Variants in BCAS3 observed in about 807,000 individuals in gnomAD.
The protein encoded by BCAS3 is BCAS4/BCAS3 fusion.
Under a neutral mutation model 116.1 loss-of-function variants are expected in BCAS3, and 53 were observed. The ratio of observed to expected loss-of-function variants is 0.46; its 90% CI spans 0.37 to 0.57. BCAS3 has a LOEUF of 0.57. BCAS3 is among the 20% of genes least tolerant of loss of function. BCAS3 has a pLI of 0.00. For synonymous variants in BCAS3, 391 were observed against 408.2 expected (o/e 0.96, Z 0.51); for missense variants, 917 against 1,165.4 (o/e 0.79, Z 3.10).
chr17:61,076,194 T>C (rs570417559), intron 20 of BCAS3, among the ~76,000 whole-genome samples: 38 of 152,344 alleles, frequency 2.5e-4, no homozygotes, highest in Non-Finnish European at 4.1e-4. Context: ...TGCTGTTATG[T>C]CTGCCTCAAG....
chr17:61,379,720 C>T lies in BCAS3; in HGVS notation c.2593+11226C>T, dbSNP rs1378133754. The T allele has an allele frequency of 6.6e-6, 1 of 152,298 alleles. No homozygotes were observed. The highest frequency in any genetic ancestry group is 1.5e-5 in the Non-Finnish European group (1 of 68,084). The allele number at this position is 152,298 out of a possible 1,614,324, so 9.4% of individuals were successfully genotyped here. A position where few individuals can be genotyped will look rare whatever the true frequency, so the allele number is the denominator to read the frequency against. Reference sequence around the variant, plus strand: ...AGGCTTCGCAGCCCTCCCCTGTTACCCACATATGTTTTATGGGGTGTAGCC... The same window carrying T: ...AGGCTTCGCAGCCCTCCCCTGTTACTCACATATGTTTTATGGGGTGTAGCC... On this transcript the variant is annotated intron_variant, in intron 23 of 23. Coordinates refer to ENST00000407086, the MANE Select transcript of BCAS3 (RefSeq NM_017679.5). This position sits in a 1 kb window ranked among gnomAD's most constrained non-coding sequence, Gnocchi z 5.5.
intron 13 of BCAS3, among the ~76,000 whole-genome samples, chr17:60,925,849 AT>A (rs111334653): frequency 0.27 from 40,307 of 147,376 alleles, 8,007 homozygotes; most frequent in African/African-American, 0.57. Flanking sequence ...CTGATTTTAG[AT>A]TTTTTTTTTT....
chr17:61,231,923 G>A (rs1449340706), intron 22 of BCAS3, among the ~76,000 whole-genome samples: 4 of 146,604 alleles, frequency 2.7e-5, no homozygotes, highest in African/African-American at 1.0e-4. Context: ...AGAAGGAAAA[G>A]AGGCCTGACA....
intron 22 of BCAS3, among the ~76,000 whole-genome samples, chr17:61,290,532 A>T (rs2052285051): frequency 6.6e-6 from 1 of 152,204 alleles, no homozygotes; most frequent in Admixed American, 6.5e-5. Flanking sequence ...TAAAATATTA[A>T]ATCACCAATT....
rs192475398 is a variant in BCAS3 at position 61,227,068 on chromosome 17, G to A, written c.2426-141259G>A. On this transcript the variant is annotated intron_variant, in intron 22 of 23. Transcript: ENST00000407086. This position sits in a 1 kb window ranked among gnomAD's most constrained non-coding sequence, Gnocchi z 6.1. ...TATGAGGTGGTTAACTGTGTGCAACGCCCCTTTCCCATAGGTTATGGTTAC... is the reference window on the plus strand; with the variant it reads ...TATGAGGTGGTTAACTGTGTGCAACACCCCTTTCCCATAGGTTATGGTTAC... Among the ~76,000 whole-genome samples the A allele has an allele frequency of 2.6e-5, 4 of 152,278 alleles. No homozygotes were observed. Among genetic ancestry groups the A allele is most frequent in the African/African-American group, 7.2e-5 (3 of 41,566 alleles).
In BCAS3 at chr17:61,278,142, A is replaced by G. The variant is rs1253639850; in HGVS notation, c.2426-90185A>G. 1.3e-5 allele frequency among the ~76,000 whole-genome samples: 2 copies of G among 152,188 alleles called. No homozygotes were observed. Among genetic ancestry groups the G allele is most frequent in the African/African-American group, 4.8e-5 (2 of 41,450 alleles). ...ACCTCTGCCTCCCGGGTCCTGATTC[A>G]AGCAATTCTCCTGCCTCAGCCTCCC... On this transcript the variant is annotated intron_variant, in intron 22 of 23. Coordinates refer to ENST00000407086, the MANE Select transcript of BCAS3 (RefSeq NM_017679.5). The surrounding 1 kb of genome is among the most constrained non-coding windows in gnomAD (Gnocchi z 5.8).
At chr17:60,882,261 G>A (rs948339009) in intron 9 of BCAS3, among the ~76,000 whole-genome samples, 59 of 151,496 alleles carry the variant, frequency 3.9e-4, no homozygotes, top group Non-Finnish European at 7.2e-4. Flanking sequence ...GTCTGTTCAT[G>A]TCCTTTGCCC....
At position 61,124,592 on chromosome 17, in the gene BCAS3, A is replaced by G. The variant is rs974576433; in HGVS notation, c.2425+40028A>G. 5.3e-5 allele frequency among the ~76,000 whole-genome samples: 8 copies of G among 152,130 alleles called. No homozygotes were observed. The highest frequency in any genetic ancestry group is 7.4e-5 in the Non-Finnish European group (5 of 68,004). ...GGGAAAAATGTGGAAGCATTTCTTG[A>G]TATTTTTTCACTATTTTTCCCTAGT... On this transcript the variant is annotated intron_variant, in intron 22 of 23. Transcript: ENST00000407086. The surrounding 1 kb of genome is among the most constrained non-coding windows in gnomAD (Gnocchi z 4.6).
intron 22 of BCAS3, among the ~76,000 whole-genome samples, chr17:61,194,420 C>T (rs1158480606): frequency 6.6e-6 from 1 of 152,086 alleles, no homozygotes; most frequent in Non-Finnish European, 1.5e-5. Flanking sequence ...CAATTCTAGC[C>T]CTCAAGCTTG....
Position 61,345,559 on chromosome 17 carries a change from G to A in BCAS3, c.2426-22768G>A, listed in dbSNP as rs188476068. ...GAGGGTAGGCTGAGGAGCAGGGAGC[G>A]CCTAGCTGTTAAATTTGTCATGGTG... On this transcript the variant is annotated intron_variant, in intron 22 of 23. Coordinates refer to ENST00000407086, the MANE Select transcript of BCAS3 (RefSeq NM_017679.5). Among the ~76,000 whole-genome samples, 216 of 152,220 alleles carry A rather than the reference G, an allele frequency of 1.4e-3. 1 individual carries two copies. The highest frequency in any genetic ancestry group is 5.0e-3 in the African/African-American group (206 of 41,532).
At chr17:61,152,178 G>A (rs188778630) in intron 22 of BCAS3, among the ~76,000 whole-genome samples, 15 of 152,324 alleles carry the variant, frequency 9.8e-5, no homozygotes, top group Admixed American at 4.6e-4. Flanking sequence ...CTTTCACAGC[G>A]TGGAAGGGGA....
At position 60,825,544 on chromosome 17, in the gene BCAS3, A is replaced by AATTATTTATAATAATTTATAAATAATT. The variant is rs992429484; in HGVS notation, c.476+17494_476+17520dup. Among the ~76,000 whole-genome samples, 699 of 135,934 alleles carry AATTATTTATAATAATTTATAAATAATT rather than the reference A, an allele frequency of 5.1e-3. 1 individual carries two copies. The highest frequency in any genetic ancestry group is 0.021 in the South Asian group (95 of 4,582). The allele number at this position is 135,934 out of a possible 152,430, so 89.2% of individuals were successfully genotyped here. Reference sequence around the variant, plus strand: ...ATAAATATTATAATAATTTATAAATAATTATTTATAATAATTTATAAATAA... The same window carrying AATTATTTATAATAATTTATAAATAATT: ...ATAAATATTATAATAATTTATAAATAATTATTTATAATAATTTATAAATAATTATTATTTATAATAATTTATAAATAA... On this transcript the variant is annotated intron_variant, in intron 7 of 23. Transcript: ENST00000407086.
intron 22 of BCAS3, among the ~76,000 whole-genome samples, chr17:61,143,715 A>C: frequency 6.6e-6 from 1 of 152,212 alleles, no homozygotes. Context: ...AGGCTGAGGC[A>C]GGAGAATCAC....
intron 7 of BCAS3, among the ~76,000 whole-genome samples, chr17:60,845,087 G>A (rs1158872651): frequency 1.3e-5 from 2 of 152,174 alleles, no homozygotes; most frequent in South Asian, 2.1e-4. Flanking sequence ...AAAATTAGAT[G>A]GGCCCGGTGG....
At chr17:60,921,978 A>AT (rs960014764) in intron 12 of BCAS3, among the ~76,000 whole-genome samples, 2 of 151,882 alleles carry the variant, frequency 1.3e-5, no homozygotes, top group Non-Finnish European at 2.9e-5. Context: ...CAGATAAAAC[A>AT]TTTTTTTCTT....
intron 22 of BCAS3, among the ~76,000 whole-genome samples, chr17:61,221,316 T>C (rs937422573): frequency 6.6e-6 from 1 of 152,188 alleles, no homozygotes; most frequent in African/African-American, 2.4e-5. Flanking sequence ...CTACTTACAA[T>C]TGGTTTTTAT....
At chr17:60,757,593 C>T (rs1331639247) in intron 6 of BCAS3, among the ~76,000 whole-genome samples, 1 of 151,712 alleles carries the variant, frequency 6.6e-6, no homozygotes, top group Non-Finnish European at 1.5e-5. Flanking sequence ...ATGTTGTTAC[C>T]CCACATTTTA....
intron 22 of BCAS3, among the ~76,000 whole-genome samples, chr17:61,148,267 C>G (rs2077353678): frequency 6.6e-6 from 1 of 152,204 alleles, no homozygotes; most frequent in African/African-American, 2.4e-5. Flanking sequence ...AAACTGCCCT[C>G]AAATTTGGAG....
chr17:61,323,939 T>C lies in BCAS3; in HGVS notation c.2426-44388T>C, dbSNP rs369387084. Among the ~76,000 whole-genome samples the C allele has an allele frequency of 3.7e-4, 56 of 152,342 alleles. No homozygotes were observed. The highest frequency in any genetic ancestry group is 1.3e-3 in the African/African-American group (54 of 41,588). On this transcript the variant is annotated intron_variant, in intron 22 of 23. Transcript: ENST00000407086. This position sits in a 1 kb window ranked among gnomAD's most constrained non-coding sequence, Gnocchi z 4.6. ...TTTGCACATTCTTCCTGGAGGAAAA[T>C]GATAGCTCATTGTCAAAGGTTGGGC... is the stretch of plus-strand genomic sequence containing the variant.
Sources: allele counts gnomAD v4.1 joint callset (sites outside exome capture counted in the v4.1 genomes callset), GRCh38; gene constraint gnomAD v4.1.1; non-coding constraint Gnocchi (gnomAD v3.1); transcripts MANE v1.5; gene names NCBI Gene and HGNC (gene_info 2026-07-23, HGNC 2026-07-21).